Variants in GIMAP5 observed in about 807,000 individuals in gnomAD.
The protein encoded by GIMAP5 is GTPase, IMAP family member 5, also known as GTPase IMAP family member 5.
Under a neutral mutation model 9.9 loss-of-function variants are expected in GIMAP5, and 8 were observed. That is an observed-to-expected ratio of 0.81 (90% confidence interval 0.47 to 1.45). The LOEUF is 1.45. GIMAP5 is among the 40% of genes most tolerant of loss of function. GIMAP5 has a pLI of 0.00. For synonymous variants in GIMAP5, 174 were observed against 151.4 expected (o/e 1.15, Z -1.09); for missense variants, 353 against 367.4 (o/e 0.96, Z 0.32).
intron 2 of GIMAP5, among the ~76,000 whole-genome samples, chr7:150,741,933 G>C (rs910303094): frequency 3.3e-5 from 5 of 152,216 alleles, no homozygotes; most frequent in African/African-American, 1.2e-4. Context: ...CCACAATCCA[G>C]ATGAAGTGCT....
chr7:150,738,070 C>T (rs1351859823), intron 1 of GIMAP5: 2 of 257,914 alleles, frequency 7.8e-6, no homozygotes, highest in African/African-American at 2.2e-5. Context: ...GGGTGATAGG[C>T]TTTCCCCCAT....
Position 150,743,158 on chromosome 7 carries a change from G to T in GIMAP5, c.*95G>T. On this transcript the variant is annotated 3_prime_UTR_variant, in exon 3 of 3. Transcript: ENST00000358647. Reference sequence around the variant, plus strand: ...GACTCAGATCCTCGTGGTCTATGGAGCATGCTGCTTGCTGTCTGTGCAGCT... The same window carrying T: ...GACTCAGATCCTCGTGGTCTATGGATCATGCTGCTTGCTGTCTGTGCAGCT... The T allele has an allele frequency of 6.9e-7, 1 of 1,444,454 alleles. No homozygotes were observed. The highest frequency in any genetic ancestry group is 9.3e-7 in the Non-Finnish European group (1 of 1,077,084). 89.5% of individuals were successfully genotyped at this position (1,444,454 alleles called of 1,614,324 possible).
chr7:150,743,326 T>C lies in GIMAP5; in HGVS notation c.*263T>C. The stretch of plus-strand genomic sequence containing the variant: ...AGATCCCATGCAGGTCCCTGAGAAG[T>C]GAGTAAAAGTCCGCAGAGGTGGGGA... On this transcript the variant is annotated 3_prime_UTR_variant, in exon 3 of 3. Coordinates refer to ENST00000358647, the MANE Select transcript of GIMAP5 (RefSeq NM_018384.5). The C allele has an allele frequency of 2.3e-6, 1 of 429,020 alleles. No homozygotes were observed. Among genetic ancestry groups the C allele is most frequent in the Non-Finnish European group, 4.2e-6 (1 of 238,052 alleles). 26.6% of individuals were successfully genotyped at this position (429,020 alleles called of 1,614,324 possible). A position where few individuals can be genotyped will look rare whatever the true frequency, so the allele number is the denominator to read the frequency against.
In GIMAP5 at chr7:150,743,623, C is replaced by G. The variant is rs1797638109; in HGVS notation, c.*560C>G. On this transcript the variant is annotated 3_prime_UTR_variant, in exon 3 of 3. Coordinates refer to ENST00000358647, the MANE Select transcript of GIMAP5 (RefSeq NM_018384.5). Reference sequence around the variant, plus strand: ...TCTTCTACCTGCATTCTAAAACATTCAAAGTAATAAAAATTTCTCCACATT... The same window carrying G: ...TCTTCTACCTGCATTCTAAAACATTGAAAGTAATAAAAATTTCTCCACATT... The G allele has an allele frequency of 6.6e-6, 1 of 152,466 alleles. No homozygotes were observed. Among genetic ancestry groups the G allele is most frequent in the Non-Finnish European group, 1.5e-5 (1 of 68,238 alleles). The allele number at this position is 152,466 out of a possible 1,614,324, so 9.4% of individuals were successfully genotyped here.
chr7:150,740,529 T>G (rs944696300), intron 1 of GIMAP5: 56 of 176,538 alleles, frequency 3.2e-4, no homozygotes, highest in Non-Finnish European at 8.3e-5. Context: ...TAATTTCAAT[T>G]TTTTTAATGC....
intron 1 of GIMAP5, chr7:150,737,957 T>C: frequency 1.8e-6 from 1 of 552,706 alleles, no homozygotes; most frequent in Admixed American, 3.1e-5. Flanking sequence ...TGCTGCCCCA[T>C]TGCCCATTAC....
At chr7:150,739,739 G>A (rs1797567317) in intron 1 of GIMAP5, 2 of 152,000 alleles carry the variant, frequency 1.3e-5, no homozygotes, top group African/African-American at 2.4e-5. Flanking sequence ...AAAGAGGAAA[G>A]GAGGAAGAAA....
In GIMAP5 at chr7:150,737,668, T is replaced by A. The variant is rs1797535568; in HGVS notation, c.-47T>A. The A allele has an allele frequency of 1.3e-6, 2 of 1,535,668 alleles. No individual in the cohort carries two copies. Among genetic ancestry groups the A allele is most frequent in the Admixed American group, 3.9e-5 (2 of 51,008 alleles). On this transcript the variant is annotated 5_prime_UTR_variant, in exon 1 of 3. Coordinates refer to ENST00000358647, the MANE Select transcript of GIMAP5 (RefSeq NM_018384.5). ...AGAGGACCAGCGGCCAGAGCCTCAGTGACTGCCACCCTGGAGGACAGGGCA... is the reference window on the plus strand; with the variant it reads ...AGAGGACCAGCGGCCAGAGCCTCAGAGACTGCCACCCTGGAGGACAGGGCA...
chr7:150,743,013 T>G lies in GIMAP5; in HGVS notation c.874T>G (p.Cys292Gly), dbSNP rs13229808. The change falls in exon 3 of 3, where the codon TGC becomes GGC. Residue 292 changes from cysteine (C) to glycine (G), a missense_variant. Coordinates refer to ENST00000358647, the MANE Select transcript of GIMAP5 (RefSeq NM_018384.5). Reference sequence around the variant, plus strand: ...TGAGATTTTTGTTTTTCTATTGTTGTGCAGCATACTTTTTTTCATTATTTT... The same window carrying G: ...TGAGATTTTTGTTTTTCTATTGTTGGGCAGCATACTTTTTTTCATTATTTT... ...HYEIFVFLLL[C>G]SILFFIIFLF... 6.2e-7 allele frequency: 1 copy of G among 1,612,758 alleles called. No individual in the cohort carries two copies. Among genetic ancestry groups the G allele is most frequent in the Non-Finnish European group, 8.5e-7 (1 of 1,179,104 alleles).
intron 1 of GIMAP5, 83 bp from the exon 2 acceptor site, chr7:150,740,796 G>A: frequency 7.8e-7 from 1 of 1,289,934 alleles, no homozygotes; most frequent in Non-Finnish European, 1.1e-6. Context: ...ATTATTCTTA[G>A]ATGTCTGAAT....
intron 1 of GIMAP5, chr7:150,738,096 G>A (rs778671416): frequency 4.9e-6 from 1 of 206,086 alleles, no homozygotes; most frequent in Non-Finnish European, 9.8e-6. Flanking sequence ...CTAGCATGCC[G>A]GGGCATTCTT....
chr7:150,743,421 A>G lies in GIMAP5; in HGVS notation c.*358A>G. On this transcript the variant is annotated 3_prime_UTR_variant, in exon 3 of 3. Coordinates refer to ENST00000358647, the MANE Select transcript of GIMAP5 (RefSeq NM_018384.5). ...TGTGGGGTCTGGGCGTGACACTGGG[A>G]CTCTCAGCAGCTTTGTGCTGCCAAC... 4.7e-6 allele frequency: 1 copy of G among 211,658 alleles called. No homozygotes were observed. Among genetic ancestry groups the G allele is most frequent in the South Asian group, 8.2e-5 (1 of 12,140 alleles). 13.1% of individuals were successfully genotyped at this position (211,658 alleles called of 1,614,324 possible).
chr7:150,742,748 C>G lies in GIMAP5; in HGVS notation c.609C>G (p.Leu203=). 1 of 1,614,176 alleles carries G rather than the reference C, an allele frequency of 6.2e-7. No homozygotes were observed. Among genetic ancestry groups the G allele is most frequent in the Non-Finnish European group, 8.5e-7 (1 of 1,180,028 alleles). ...VEEQRQQQAE[L]LAVIERLGRE... ...AGCAGAGGCAGCAGCAGGCAGAGCT[C>G]CTGGCTGTGATTGAGAGGCTGGGGA... The change falls in exon 3 of 3, where the codon CTC becomes CTG. Residue 203 remains leucine (L), a synonymous_variant. Transcript: ENST00000358647.
In GIMAP5 at chr7:150,742,466, G is replaced by C. The variant is rs61751040; in HGVS notation, c.327G>C (p.Pro109=). The change falls in exon 3 of 3, where the codon CCG becomes CCC. Residue 109 remains proline (P), a synonymous_variant. Coordinates refer to ENST00000358647, the MANE Select transcript of GIMAP5 (RefSeq NM_018384.5). The part of the protein sequence containing the change: ...NIGDCYLLSA[P]GPHVLLLVIQ... ...GGGACTGCTACCTGCTCTCTGCCCC[G>C]GGGCCCCACGTCCTGCTTCTGGTGA... 2.5e-6 allele frequency: 4 copies of C among 1,614,006 alleles called. No individual in the cohort carries two copies. The highest frequency in any genetic ancestry group is 3.4e-6 in the Non-Finnish European group (4 of 1,180,036).
rs1422288852 is a variant in GIMAP5, at chr7:150,742,202, G to T, written c.63G>T (p.Leu21Phe). 2.2e-5 allele frequency: 35 copies of T among 1,613,852 alleles called. No individual in the cohort carries two copies. The highest frequency in any genetic ancestry group is 2.8e-5 in the Non-Finnish European group (33 of 1,179,854). Residue 21 changes from leucine (L) to phenylalanine (F), a missense_variant, in exon 3 of 3, where the codon TTG (leucine) becomes TTT (phenylalanine). Physicochemically the swap from Leu to Phe is conservative, Grantham distance 22. Coordinates refer to ENST00000358647, the MANE Select transcript of GIMAP5 (RefSeq NM_018384.5). ...CTACAGGTAGATCAGAAGATAACTT[G>T]TCTGCAACACCACCGGCATTGAGGA... ...TMAEGRSEDNLSATPPALRII... is the reference protein window; with the variant it reads ...TMAEGRSEDNFSATPPALRII...
intron 1 of GIMAP5, chr7:150,739,274 A>C (rs1225955560): frequency 6.6e-6 from 1 of 152,182 alleles, no homozygotes. Context: ...CCACCTGTGG[A>C]ATCAAGGACA....
intron 1 of GIMAP5, 109 bp downstream of exon 1, chr7:150,737,817 T>G: frequency 2.3e-6 from 2 of 876,436 alleles, no homozygotes; most frequent in Non-Finnish European, 3.5e-6. Context: ...CCCTCACTTC[T>G]GGGTTCGCTG....
chr7:150,742,453 T>C lies in GIMAP5; in HGVS notation c.314T>C (p.Leu105Pro). ...TACAAGAACATCGGGGACTGCTACCTGCTCTCTGCCCCGGGGCCCCACGTC... is the reference window on the plus strand; with the variant it reads ...TACAAGAACATCGGGGACTGCTACCCGCTCTCTGCCCCGGGGCCCCACGTC... ...ELYKNIGDCY[L>P]LSAPGPHVLL... The change falls in exon 3 of 3, where the codon CTG (leucine) becomes CCG (proline). Residue 105 changes from leucine (L) to proline (P), a missense_variant. Coordinates refer to ENST00000358647, the MANE Select transcript of GIMAP5 (RefSeq NM_018384.5). The C allele has an allele frequency of 6.2e-7, 1 of 1,614,238 alleles. No homozygotes were observed. Among genetic ancestry groups the C allele is most frequent in the Non-Finnish European group, 8.5e-7 (1 of 1,180,048 alleles).
chr7:150,741,508 G>A (rs1436690446), intron 2 of GIMAP5, among the ~76,000 whole-genome samples: 1 of 152,158 alleles, frequency 6.6e-6, no homozygotes, highest in African/African-American at 2.4e-5. Context: ...ACATAGATGA[G>A]CTTTTCAACA....
Sources: gnomAD v4.1 joint callset for allele counts (sites outside exome capture counted in the v4.1 genomes callset) on GRCh38, gnomAD v4.1.1 for gene constraint, MANE v1.5 for transcripts, NCBI Gene and HGNC (gene_info 2026-07-23, HGNC 2026-07-21) for gene names.